LAPTM5: variants seen among roughly 807,000 people sequenced by gnomAD.
LAPTM5 encodes the protein lysosomal-associated transmembrane protein 5.
A neutral mutation model predicts 30.1 loss-of-function variants in LAPTM5; 11 were observed. The observed-to-expected ratio is 0.37, with a 90% confidence interval of 0.23 to 0.60. The LOEUF (loss-of-function observed/expected upper bound fraction) is 0.60, where lower values mean the gene tolerates loss of function less well. Ranked by LOEUF, LAPTM5 falls within the 20% of genes least tolerant of loss-of-function variation. The probability of loss-of-function intolerance (pLI) is 0.71; values close to 1 mark genes in which losing one functional copy is unlikely to be tolerated. For missense variants in LAPTM5, 324 were observed against 332.5 expected, an observed-to-expected ratio of 0.97 and a Z score of 0.20; for synonymous variants, 151 against 137.9, an observed-to-expected ratio of 1.10 and a Z score of -0.67.
chr1:30,739,778 G>C lies in LAPTM5; in HGVS notation c.387+31C>G. 1 of 1,570,258 alleles carries C rather than the reference G, an allele frequency of 6.4e-7. No homozygotes were observed. Among genetic ancestry groups the C allele is most frequent in the East Asian group, 2.4e-5 (1 of 42,346 alleles). On this transcript the variant is annotated intron_variant, in intron 4 of 7. Coordinates refer to ENST00000294507, the MANE Select transcript of LAPTM5 (RefSeq NM_006762.3). The surrounding 1 kb of genome is among the most constrained non-coding windows in gnomAD (Gnocchi z 4.2). ...TCCCATGCCAGACCTGGGCTCTGCT[G>C]TCCGGTGAGAGGTGGGGGCTGGGTA...
intron 1 of LAPTM5, among the ~76,000 whole-genome samples, chr1:30,748,957 G>A (rs1640088979): frequency 6.6e-6 from 1 of 152,210 alleles, no homozygotes; most frequent in South Asian, 2.1e-4. Flanking sequence ...TCCTGGAGTG[G>A]GTGTGAGAAG....
intron 6 of LAPTM5, among the ~76,000 whole-genome samples, chr1:30,736,401 T>C (rs1639885619): frequency 1.3e-5 from 2 of 152,192 alleles, no homozygotes; most frequent in Admixed American, 1.3e-4. Flanking sequence ...GGTGGAGTGC[T>C]TGTCTTCTTT....
chr1:30,757,625 C>CAA, intron 1 of LAPTM5, 34 bp downstream of exon 1: 2 of 1,600,384 alleles, frequency 1.2e-6, no homozygotes, highest in South Asian at 1.1e-5. Context: ...CACACAAGCA[C>CAA]GCACGCACAC....
rs1472762721 is a variant in LAPTM5, at chr1:30,739,183, C to T, written c.388-121G>A. ...CTCAGCTACAGACATCAGTGACTCT[C>T]GTCCCCTGTGCACAGAGAGACATGA... On this transcript the variant is annotated intron_variant, in intron 4 of 7. Coordinates refer to ENST00000294507, the MANE Select transcript of LAPTM5 (RefSeq NM_006762.3). This position sits in a 1 kb window ranked among gnomAD's most constrained non-coding sequence, Gnocchi z 4.2. 1.0e-5 allele frequency: 13 copies of T among 1,279,744 alleles called. No individual in the cohort carries two copies. Among genetic ancestry groups the T allele is most frequent in the East Asian group, 5.3e-5 (2 of 37,614 alleles). 79.3% of individuals were successfully genotyped at this position (1,279,744 alleles called of 1,614,324 possible). A position where few individuals can be genotyped will look rare whatever the true frequency, so the allele number is the denominator to read the frequency against.
chr1:30,742,807 A>G (rs1283838907), intron 1 of LAPTM5, among the ~76,000 whole-genome samples: 1 of 152,166 alleles, frequency 6.6e-6, no homozygotes, highest in Non-Finnish European at 1.5e-5. Flanking sequence ...CGGTTTTCCC[A>G]TCTGCAAGAT....
Position 30,745,412 on chromosome 1 carries a change from A to G in LAPTM5, c.88-2863T>C, listed in dbSNP as rs566025200. Among the ~76,000 whole-genome samples the G allele has an allele frequency of 2.1e-5, 3 of 146,274 alleles. No individual in the cohort carries two copies. In the East Asian group the frequency reaches 6.1e-4, roughly 30 times the overall value. ...TCAGTGGAGGCAGAGAGGCGCCCCC[A>G]TCCCCTCTCCCTCTGCAGTCCCCCC... On this transcript the variant is annotated intron_variant, in intron 1 of 7. Transcript: ENST00000294507.
Position 30,742,478 on chromosome 1 carries a change from G to A in LAPTM5, c.159C>T (p.Ser53=). Reference sequence around the variant, plus strand: ...TACCGATCCTGAGGTAGCCCATCTGGGAGAGCTTGCAGGACGCCTTGCCAT... The same window carrying A: ...TACCGATCCTGAGGTAGCCCATCTGAGAGAGCTTGCAGGACGCCTTGCCAT... ...VAHGKASCKL[S]QMGYLRIADL... Residue 53 remains serine, a synonymous_variant, in exon 2 of 8, where the codon TCC becomes TCT. Transcript: ENST00000294507. 6.2e-7 allele frequency: 1 copy of A among 1,613,496 alleles called. No individual in the cohort carries two copies. The highest frequency in any genetic ancestry group is 1.3e-5 in the African/African-American group (1 of 75,042).
At chr1:30,737,381 G>A (rs891480925) in intron 6 of LAPTM5, among the ~76,000 whole-genome samples, 13 of 152,154 alleles carry the variant, frequency 8.5e-5, no homozygotes, top group Admixed American at 2.0e-4. Flanking sequence ...ACATCTGAAC[G>A]CAGGTGGCCT....
At chr1:30,734,952 C>T (rs990189087) in intron 7 of LAPTM5, among the ~76,000 whole-genome samples, 3 of 152,110 alleles carry the variant, frequency 2.0e-5, no homozygotes, top group Non-Finnish European at 2.9e-5. Context: ...CTCCTGGAAT[C>T]GATATGAGAC....
At chr1:30,749,588 A>G (rs1640100677) in intron 1 of LAPTM5, among the ~76,000 whole-genome samples, 1 of 152,344 alleles carries the variant, frequency 6.6e-6, no homozygotes, top group Admixed American at 6.5e-5. Flanking sequence ...GACCCAAACG[A>G]GCATCCAGGC....
chr1:30,739,783 G>T lies in LAPTM5; in HGVS notation c.387+26C>A. On this transcript the variant is annotated intron_variant, in intron 4 of 7. Coordinates refer to ENST00000294507, the MANE Select transcript of LAPTM5 (RefSeq NM_006762.3). This position sits in a 1 kb window ranked among gnomAD's most constrained non-coding sequence, Gnocchi z 4.2. ...TGCCAGACCTGGGCTCTGCTGTCCGGTGAGAGGTGGGGGCTGGGTACTCAC... is the reference window on the plus strand; with the variant it reads ...TGCCAGACCTGGGCTCTGCTGTCCGTTGAGAGGTGGGGGCTGGGTACTCAC... The T allele has an allele frequency of 1.3e-6, 2 of 1,574,706 alleles. No individual in the cohort carries two copies. Among genetic ancestry groups the T allele is most frequent in the East Asian group, 2.4e-5 (1 of 42,438 alleles).
intron 3 of LAPTM5, among the ~76,000 whole-genome samples, chr1:30,740,691 T>C (rs1639957754): frequency 6.6e-6 from 1 of 152,178 alleles, no homozygotes; most frequent in Admixed American, 6.5e-5. Flanking sequence ...AGGGACCACC[T>C]GCTCCATTTC....
chr1:30,748,445 C>T (rs187152461), intron 1 of LAPTM5, among the ~76,000 whole-genome samples: 41 of 152,270 alleles, frequency 2.7e-4, no homozygotes, highest in Non-Finnish European at 3.8e-4. Context: ...ATTATGGCCC[C>T]TCCCTGAAGC....
At position 30,746,920 on chromosome 1, in the gene LAPTM5, C is replaced by A. The variant is rs1244441262; in HGVS notation, c.88-4371G>T. Among the ~76,000 whole-genome samples the A allele has an allele frequency of 6.6e-6, 1 of 152,188 alleles. No homozygotes were observed. The highest frequency in any genetic ancestry group is 1.9e-4 in the East Asian group (1 of 5,198). On this transcript the variant is annotated intron_variant, in intron 1 of 7. Transcript: ENST00000294507. This position sits in a 1 kb window ranked among gnomAD's most constrained non-coding sequence, Gnocchi z 4.0. ...CACAATTGGGTGGTGGTTTTTGCTACCTCTGGGCATTCACTGACTCTCAGT... is the reference window on the plus strand; with the variant it reads ...CACAATTGGGTGGTGGTTTTTGCTAACTCTGGGCATTCACTGACTCTCAGT...
intron 6 of LAPTM5, among the ~76,000 whole-genome samples, chr1:30,735,993 C>A (rs1169231320): frequency 6.6e-6 from 1 of 151,882 alleles, no homozygotes; most frequent in Non-Finnish European, 1.5e-5. Flanking sequence ...GTGGAGGGGG[C>A]CAGAGAGGCA....
At chr1:30,734,485 A>T (rs1639859457) in intron 7 of LAPTM5, among the ~76,000 whole-genome samples, 1 of 152,188 alleles carries the variant, frequency 6.6e-6, no homozygotes, top group Admixed American at 6.5e-5. Flanking sequence ...AGAGGACGAG[A>T]TCATATCCTG....
chr1:30,741,219 C>A (rs775780861), intron 3 of LAPTM5, among the ~76,000 whole-genome samples: 10 of 152,246 alleles, frequency 6.6e-5, no homozygotes, highest in Admixed American at 5.9e-4. Context: ...GATAGAGCTG[C>A]ATGCATCCTA....
At chr1:30,748,544 A>T (rs1377493889) in intron 1 of LAPTM5, among the ~76,000 whole-genome samples, 1 of 152,142 alleles carries the variant, frequency 6.6e-6, no homozygotes, top group Non-Finnish European at 1.5e-5. Context: ...TGTCACCATC[A>T]AGAGGAAGCT....
rs143284664 is a variant in LAPTM5 at position 30,745,682 on chromosome 1, G to A, written c.88-3133C>T. Among the ~76,000 whole-genome samples the A allele has an allele frequency of 1.1e-3, 174 of 152,286 alleles. 1 individual carries two copies. The East Asian group carries it at 0.019, about 17-fold the overall frequency. ...CCTGACTTAGACTCTGAGGGGCCCC[G>A]ACCTTCCACGAAGATGCCAGGCCCT... On this transcript the variant is annotated intron_variant, in intron 1 of 7. Transcript: ENST00000294507.
Sources: allele counts gnomAD v4.1 joint callset (sites outside exome capture counted in the v4.1 genomes callset), GRCh38; gene constraint gnomAD v4.1.1; non-coding constraint Gnocchi (gnomAD v3.1); transcripts MANE v1.5; gene names NCBI Gene and HGNC (gene_info 2026-07-23, HGNC 2026-07-21).